Variants in MLLT3 observed in about 807,000 individuals in gnomAD.
MLLT3 encodes protein AF-9.
Under a neutral mutation model 53.2 loss-of-function variants are expected in MLLT3, and 4 were observed. The observed-to-expected ratio is 0.08, with a 90% confidence interval of 0.04 to 0.17. The LOEUF is 0.17. Among genes scored for constraint, MLLT3 ranks in the 10% least tolerant of loss-of-function variants. The pLI is 1.00. For synonymous variants in MLLT3, 283 were observed against 230.6 expected, an observed-to-expected ratio of 1.23 and a Z score of -2.06; for missense variants, 569 against 684.0, an observed-to-expected ratio of 0.83 and a Z score of 1.87.
intron 2 of MLLT3, among the ~76,000 whole-genome samples, chr9:20,494,608 C>T (rs1469489855): frequency 2.2e-5 from 3 of 135,678 alleles, no homozygotes; most frequent in East Asian, 2.2e-4. Flanking sequence ...CACGTGATGG[C>T]ATTTTACCAG....
chr9:20,556,804 TG>T (rs1245100750), intron 2 of MLLT3, among the ~76,000 whole-genome samples: 5 of 152,286 alleles, frequency 3.3e-5, no homozygotes, highest in African/African-American at 1.2e-4. Flanking sequence ...TAATGAATGG[TG>T]GCTGGTATGA....
chr9:20,404,719 C>G (rs557709372), intron 5 of MLLT3, among the ~76,000 whole-genome samples: 1 of 152,134 alleles, frequency 6.6e-6, no homozygotes, highest in Admixed American at 6.5e-5. Flanking sequence ...TTGCCCAGGC[C>G]GGTCTTGAAC....
chr9:20,521,566 T>A (rs1818059501), intron 2 of MLLT3, among the ~76,000 whole-genome samples: 1 of 152,108 alleles, frequency 6.6e-6, no homozygotes, highest in Admixed American at 6.6e-5. Flanking sequence ...TAACTCAAAC[T>A]CAAGCCTCTA....
Position 20,621,651 on chromosome 9 carries a change from G to C in MLLT3, c.12+594C>G, listed in dbSNP as rs866876216. ...ATTCAGAAAGGCAGGGCGGCGGGCG[G>C]ACAGCCGCCGAGCCTCGGCTCGCGC... On this transcript the variant is annotated intron_variant, in intron 1 of 10. Coordinates refer to ENST00000380338, the MANE Select transcript of MLLT3 (RefSeq NM_004529.4). This position sits in a 1 kb window ranked among gnomAD's most constrained non-coding sequence, Gnocchi z 7.0. The C allele has an allele frequency of 3.0e-5, 29 of 972,102 alleles. No individual in the cohort carries two copies. The South Asian group carries it at 3.7e-4, about 12-fold the overall frequency. 60.2% of individuals were successfully genotyped at this position (972,102 alleles called of 1,614,324 possible). A position where few individuals can be genotyped will look rare whatever the true frequency, so the allele number is the denominator to read the frequency against.
intron 2 of MLLT3, among the ~76,000 whole-genome samples, chr9:20,573,898 A>G (rs564294726): frequency 1.1e-4 from 16 of 152,338 alleles, no homozygotes; most frequent in African/African-American, 3.8e-4. Flanking sequence ...AGATCAAGTT[A>G]CTTGCTCAAA....
chr9:20,533,146 A>G, intron 2 of MLLT3: 1 of 275,846 alleles, frequency 3.6e-6, no homozygotes, highest in Non-Finnish European at 7.2e-6. Context: ...TCACAGGAAG[A>G]CCTGCACCAC....
At chr9:20,387,258 T>G (rs1822062401) in intron 5 of MLLT3, among the ~76,000 whole-genome samples, 1 of 152,194 alleles carries the variant, frequency 6.6e-6, no homozygotes, top group Non-Finnish European at 1.5e-5. Context: ...CTGTGTTCAA[T>G]AAAACTTTAT....
intron 2 of MLLT3, among the ~76,000 whole-genome samples, chr9:20,533,589 G>C (rs1240084617): frequency 2.0e-5 from 3 of 152,156 alleles, no homozygotes; most frequent in Admixed American, 6.5e-5. Context: ...TCAGTATCTT[G>C]AAGAGATATC....
chr9:20,386,518 G>A (rs188143268), intron 5 of MLLT3, among the ~76,000 whole-genome samples: 3 of 152,308 alleles, frequency 2.0e-5, no homozygotes, highest in South Asian at 2.1e-4. Context: ...TTTGTTTGGA[G>A]GCCCAGTCGC....
intron 2 of MLLT3, among the ~76,000 whole-genome samples, chr9:20,466,126 T>C (rs1272174176): frequency 6.6e-6 from 1 of 152,196 alleles, no homozygotes; most frequent in East Asian, 1.9e-4. Context: ...GAATATCTCC[T>C]ATCCAAAATG....
At chr9:20,546,817 C>G (rs962631844) in intron 2 of MLLT3, among the ~76,000 whole-genome samples, 5 of 152,234 alleles carry the variant, frequency 3.3e-5, no homozygotes, top group African/African-American at 9.6e-5. Flanking sequence ...CTCTTTGTTT[C>G]GGGTTGAACG....
chr9:20,521,350 C>T (rs1208650761), intron 2 of MLLT3, among the ~76,000 whole-genome samples: 1 of 152,160 alleles, frequency 6.6e-6, no homozygotes, highest in African/African-American at 2.4e-5. Context: ...GGATTACAGG[C>T]ATGAGCCACT....
chr9:20,465,984 G>T (rs1214465973), intron 2 of MLLT3, among the ~76,000 whole-genome samples: 1 of 152,072 alleles, frequency 6.6e-6, no homozygotes, highest in East Asian at 1.9e-4. Flanking sequence ...CTCAAGCAAG[G>T]ATTTCCAAAC....
At chr9:20,383,264 T>A (rs1394122488) in intron 5 of MLLT3, among the ~76,000 whole-genome samples, 1 of 151,976 alleles carries the variant, frequency 6.6e-6, no homozygotes, top group Non-Finnish European at 1.5e-5. Context: ...GGGTACGTTA[T>A]TTTAAAATGT....
rs759656444 is a variant in MLLT3, at chr9:20,456,816, A to G, written c.194-30T>C. 6 of 1,426,310 alleles carry G rather than the reference A, an allele frequency of 4.2e-6. No homozygotes were observed. In the South Asian group the frequency reaches 7.5e-5, roughly 18 times the overall value. The allele number at this position is 1,426,310 out of a possible 1,614,324, so 88.4% of individuals were successfully genotyped here. A position where few individuals can be genotyped will look rare whatever the true frequency, so the allele number is the denominator to read the frequency against. On this transcript the variant is annotated intron_variant, in intron 2 of 10. Transcript: ENST00000380338. ...AACATTAAAAAAGAAAATAGGTAAG[A>G]TGAGAATAATAGACAAAAAGACATT...
rs147364537 is a variant in MLLT3 at position 20,468,312 on chromosome 9, T to A, written c.194-11526A>T. On this transcript the variant is annotated intron_variant, in intron 2 of 10. Coordinates refer to ENST00000380338, the MANE Select transcript of MLLT3 (RefSeq NM_004529.4). ...CAGTATAATTAAATATTCCTAAATT[T>A]GTTTTTATTTTTGCTGTCATAGCTC... Among the ~76,000 whole-genome samples, 442 of 152,298 alleles carry A rather than the reference T, an allele frequency of 2.9e-3. 1 individual carries two copies. Among genetic ancestry groups the A allele is most frequent in the African/African-American group, 9.8e-3 (406 of 41,556 alleles).
intron 5 of MLLT3, 116 bp from the exon 6 acceptor site, chr9:20,365,860 T>A: frequency 1.1e-6 from 1 of 924,350 alleles, no homozygotes; most frequent in Non-Finnish European, 1.7e-6. Flanking sequence ...TGCATTTCAT[T>A]ATGTCAAATT....
At chr9:20,607,813 G>C (rs1214003812) in intron 2 of MLLT3, among the ~76,000 whole-genome samples, 1 of 151,946 alleles carries the variant, frequency 6.6e-6, no homozygotes, top group Non-Finnish European at 1.5e-5. Flanking sequence ...TTAGATTGCA[G>C]AGAGACCCTT....
intron 2 of MLLT3, among the ~76,000 whole-genome samples, chr9:20,571,629 C>G (rs1339806909): frequency 6.6e-6 from 1 of 152,082 alleles, no homozygotes; most frequent in African/African-American, 2.4e-5. Flanking sequence ...TGTGATGTTC[C>G]CCATCCCGGG....
Sources: allele counts gnomAD v4.1 joint callset (sites outside exome capture counted in the v4.1 genomes callset), GRCh38; gene constraint gnomAD v4.1.1; non-coding constraint Gnocchi (gnomAD v3.1); transcripts MANE v1.5; gene names NCBI Gene and HGNC (gene_info 2026-07-23, HGNC 2026-07-21).